Variants in CSMD1 observed in about 807,000 individuals in gnomAD.
The protein encoded by CSMD1 is CUB and Sushi multiple domains 1.
In CSMD1, 213 loss-of-function variants were observed where a neutral mutation model predicts 417.5. The observed-to-expected ratio is 0.51, with a 90% CI of 0.46 to 0.57. CSMD1 has a LOEUF of 0.57. CSMD1 is among the 20% of genes least tolerant of loss of function. The pLI is 0.00. For missense variants in CSMD1, 6,923 were observed against 4,529.7 expected (o/e 1.53, Z -15.17); for synonymous variants, 2,862 against 1,736.8 (o/e 1.65, Z -16.11).
chr8:3,346,421 T>A (rs1012858151), intron 22 of CSMD1, among the ~76,000 whole-genome samples: 1 of 152,226 alleles, frequency 6.6e-6, no homozygotes, highest in Non-Finnish European at 1.5e-5. Flanking sequence ...AAAAATTCAG[T>A]TGCGATGTAA....
chr8:3,271,062 A>G (rs563050449), intron 26 of CSMD1, among the ~76,000 whole-genome samples: 121 of 147,222 alleles, frequency 8.2e-4, no homozygotes, highest in African/African-American at 2.7e-3. Flanking sequence ...ATATCTCCCA[A>G]TGCTGTCCTT....
At chr8:4,012,785 C>G (rs1359599174) in intron 4 of CSMD1, among the ~76,000 whole-genome samples, 1 of 152,158 alleles carries the variant, frequency 6.6e-6, no homozygotes, top group Non-Finnish European at 1.5e-5. Context: ...TGCAATCTCA[C>G]AGTCTTCTCC....
At chr8:4,298,220 T>C (rs1423938018) in intron 3 of CSMD1, among the ~76,000 whole-genome samples, 2 of 152,180 alleles carry the variant, frequency 1.3e-5, no homozygotes, top group Admixed American at 6.5e-5. Context: ...ATAATGCCAA[T>C]CTTTGCTTCC....
Position 3,995,482 on chromosome 8 carries a change from C to A in CSMD1, c.818+2421G>T, listed in dbSNP as rs577166616. On this transcript the variant is annotated intron_variant, in intron 5 of 69. Coordinates refer to ENST00000635120, the MANE Select transcript of CSMD1 (RefSeq NM_033225.6). The stretch of plus-strand genomic sequence containing the variant: ...TATGATCCAGCCTGTAGTCCTGAAA[C>A]AGAGAAACTCTACTTCTCTGACAGG... Among the ~76,000 whole-genome samples, 8 of 152,304 alleles carry A rather than the reference C, an allele frequency of 5.3e-5. No homozygotes were observed. The South Asian group carries it at 1.5e-3, about 28-fold the overall frequency.
Position 4,713,205 on chromosome 8 carries a change from T to G in CSMD1, c.86-75647A>C, listed in dbSNP as rs369592932. 3.3e-5 allele frequency among the ~76,000 whole-genome samples: 5 copies of G among 152,276 alleles called. No homozygotes were observed. The East Asian group carries it at 9.6e-4, about 29-fold the overall frequency. On this transcript the variant is annotated intron_variant, in intron 1 of 69. Transcript: ENST00000635120. ...TAAATCATTATCAACCATTAACACT[T>G]TAGACCAAATTAGTTTCAGATTTAT...
At chr8:4,630,311 C>A (rs911417168) in intron 2 of CSMD1, among the ~76,000 whole-genome samples, 7 of 151,026 alleles carry the variant, frequency 4.6e-5, no homozygotes, top group African/African-American at 1.7e-4. Context: ...CACACTCTCA[C>A]AGTTGTTGTC....
intron 1 of CSMD1, among the ~76,000 whole-genome samples, chr8:4,712,827 G>A (rs929859604): frequency 3.3e-5 from 5 of 152,108 alleles, no homozygotes; most frequent in Non-Finnish European, 7.3e-5. Context: ...ACTATCTAAA[G>A]TTTCTATTTC....
chr8:3,883,869 A>G (rs1342081092), intron 5 of CSMD1, among the ~76,000 whole-genome samples: 2 of 152,128 alleles, frequency 1.3e-5, no homozygotes, highest in African/African-American at 4.8e-5. Flanking sequence ...GAGGAAAACA[A>G]TACGGTTTTT....
chr8:4,132,019 C>G (rs1464604400), intron 3 of CSMD1, among the ~76,000 whole-genome samples: 3 of 151,974 alleles, frequency 2.0e-5, no homozygotes, highest in African/African-American at 7.3e-5. Context: ...GTGACTATTT[C>G]TATCAGAATC....
At chr8:3,535,067 C>T (rs1270281203) in intron 10 of CSMD1, among the ~76,000 whole-genome samples, 2 of 152,142 alleles carry the variant, frequency 1.3e-5, no homozygotes, top group East Asian at 1.9e-4. Context: ...CCTGCCTCAG[C>T]CTACTGAGTA....
chr8:4,652,620 A>G (rs542863186), intron 1 of CSMD1, among the ~76,000 whole-genome samples: 52 of 152,076 alleles, frequency 3.4e-4, no homozygotes, highest in African/African-American at 1.2e-3. Context: ...CCATTGCACC[A>G]CAGCCTGGAG....
intron 3 of CSMD1, among the ~76,000 whole-genome samples, chr8:4,181,954 C>CTCCG (rs1554484218): frequency 8.3e-5 from 2 of 23,968 alleles, no homozygotes; most frequent in African/African-American, 2.2e-4. Flanking sequence ...TTGTCTGTGT[C>CTCCG]TGCGTGTGTG....
intron 5 of CSMD1, among the ~76,000 whole-genome samples, chr8:3,839,473 AATTAT>A (rs1802966080): frequency 1.8e-5 from 1 of 54,912 alleles, no homozygotes; most frequent in Admixed American, 3.2e-4. Context: ...TATATTATAT[AATTAT>A]ATTATATATT....
intron 5 of CSMD1, among the ~76,000 whole-genome samples, chr8:3,898,137 T>C (rs1584930907): frequency 6.6e-6 from 1 of 152,150 alleles, no homozygotes; most frequent in Admixed American, 6.5e-5. Flanking sequence ...TTCTACCAGC[T>C]GAGTCAAAGT....
chr8:4,407,995 G>A (rs1189708269), intron 3 of CSMD1, among the ~76,000 whole-genome samples: 1 of 152,236 alleles, frequency 6.6e-6, no homozygotes, highest in Admixed American at 6.5e-5. Context: ...GGAGAAAACT[G>A]CAAGTCCCCA....
At chr8:4,582,241 A>G (rs2725073) in intron 2 of CSMD1, among the ~76,000 whole-genome samples, 59,043 of 151,880 alleles carry the variant, frequency 0.39, 11,690 homozygotes, top group African/African-American at 0.44. Context: ...AATAATAATA[A>G]AGGGCTGACC....
At chr8:3,329,952 T>C (rs1370228565) in intron 23 of CSMD1, among the ~76,000 whole-genome samples, 1 of 152,178 alleles carries the variant, frequency 6.6e-6, no homozygotes, top group Non-Finnish European at 1.5e-5. Flanking sequence ...ACTGTATTAA[T>C]ATACAATCAT....
intron 22 of CSMD1, among the ~76,000 whole-genome samples, chr8:3,346,524 A>G (rs73503791): frequency 0.036 from 5,406 of 152,280 alleles, 319 homozygotes; most frequent in African/African-American, 0.12. Flanking sequence ...GTGAGATTTC[A>G]AAAGACTATT....
At chr8:4,376,448 TA>T (rs1326800102) in intron 3 of CSMD1, among the ~76,000 whole-genome samples, 1 of 152,236 alleles carries the variant, frequency 6.6e-6, no homozygotes, top group Non-Finnish European at 1.5e-5. Flanking sequence ...ATTTTCGGCT[TA>T]TTCTGTAGAA....
Sources: allele counts gnomAD v4.1 joint callset (sites outside exome capture counted in the v4.1 genomes callset), GRCh38; gene constraint gnomAD v4.1.1; transcripts MANE v1.5; gene names NCBI Gene and HGNC (gene_info 2026-07-23, HGNC 2026-07-21).